The following WDPCP variants were observed in gnomAD, a reference collection of about 807,000 sequenced individuals.
WDPCP encodes the protein WD repeat containing planar cell polarity effector, also known as WD repeat-containing and planar cell polarity effector protein fritz homolog.
In WDPCP, 71 loss-of-function variants were observed where a neutral mutation model predicts 93.1. That is an observed-to-expected ratio of 0.76 (90% CI 0.63 to 0.93). The LOEUF is 0.93. WDPCP is among the 40% of genes least tolerant of loss of function. The pLI is 0.00. For synonymous variants in WDPCP, 315 were observed against 315.0 expected (o/e 1.00, Z 0.00); for missense variants, 844 against 887.4 (o/e 0.95, Z 0.62).
intron 10 of WDPCP, among the ~76,000 whole-genome samples, chr2:63,402,176 C>T (rs377428826): frequency 7.2e-5 from 11 of 152,160 alleles, no homozygotes; most frequent in South Asian, 2.1e-4. Context: ...GGGACATGGA[C>T]GAAGCTGGAA....
chr2:63,825,297 C>T (rs1465946461), intron 1 of WDPCP, among the ~76,000 whole-genome samples: 1 of 152,030 alleles, frequency 6.6e-6, no homozygotes, highest in Non-Finnish European at 1.5e-5. Context: ...TTAAAAGGCT[C>T]TTATCTTCTG....
chr2:63,170,981 T>C (rs1673342570), intron 15 of WDPCP, among the ~76,000 whole-genome samples: 1 of 151,178 alleles, frequency 6.6e-6, no homozygotes, highest in African/African-American at 2.4e-5. Context: ...GAGTTTTTTT[T>C]CTTCCTCAAA....
intron 14 of WDPCP, among the ~76,000 whole-genome samples, chr2:63,247,701 A>C (rs545506642): frequency 6.6e-6 from 1 of 151,656 alleles, no homozygotes; most frequent in South Asian, 2.1e-4. Context: ...ACCACCAAAC[A>C]AACCCCAAAT....
chr2:63,439,723 T>C (rs1697374498), intron 7 of WDPCP, 34 bp downstream of exon 7: 1 of 1,572,920 alleles, frequency 6.4e-7, no homozygotes, highest in African/African-American at 1.3e-5. Context: ...CCACTGTTAA[T>C]GTAGGCAATT....
chr2:63,397,864 A>G (rs925083963), intron 10 of WDPCP, among the ~76,000 whole-genome samples: 2 of 152,172 alleles, frequency 1.3e-5, no homozygotes, highest in African/African-American at 2.4e-5. Context: ...GAGTTTGGCT[A>G]TGAAAGGAAG....
At chr2:63,738,429 T>C (rs1474613110) in intron 2 of WDPCP, among the ~76,000 whole-genome samples, 1 of 151,800 alleles carries the variant, frequency 6.6e-6, no homozygotes, top group Non-Finnish European at 1.5e-5. Context: ...CCCCACTCCT[T>C]CTCCTGTGCA....
intron 2 of WDPCP, among the ~76,000 whole-genome samples, chr2:63,798,262 A>G (rs1670643818): frequency 6.6e-6 from 1 of 152,238 alleles, no homozygotes; most frequent in African/African-American, 2.4e-5. Context: ...TTAAGTACAC[A>G]GAAAAACGCA....
At chr2:63,411,232 C>T (rs1376034827) in intron 9 of WDPCP, among the ~76,000 whole-genome samples, 2 of 152,062 alleles carry the variant, frequency 1.3e-5, no homozygotes, top group Non-Finnish European at 2.9e-5. Flanking sequence ...CAAAAGGAAC[C>T]TTCAAAACCT....
intron 1 of WDPCP, among the ~76,000 whole-genome samples, chr2:63,823,244 A>C (rs936792051): frequency 6.6e-6 from 1 of 151,714 alleles, no homozygotes; most frequent in African/African-American, 2.4e-5. Flanking sequence ...GCAGTAGCTC[A>C]CGTCTGTAAT....
chr2:63,300,444 C>T (rs1685240419), intron 13 of WDPCP, among the ~76,000 whole-genome samples: 1 of 152,086 alleles, frequency 6.6e-6, no homozygotes, highest in South Asian at 2.1e-4. Flanking sequence ...TTAGTTGTTG[C>T]ATGGGACTGA....
At chr2:63,534,901 G>A (rs1345560796) in intron 1 of WDPCP, among the ~76,000 whole-genome samples, 2 of 152,144 alleles carry the variant, frequency 1.3e-5, no homozygotes, top group Admixed American at 6.5e-5. Flanking sequence ...TATTCAATTA[G>A]GAAAAGAGGA....
At chr2:63,763,229 C>G (rs970548076) in intron 2 of WDPCP, among the ~76,000 whole-genome samples, 6 of 152,118 alleles carry the variant, frequency 3.9e-5, no homozygotes. Flanking sequence ...ATGGTCCGGG[C>G]ACGGTGGCTC....
chr2:63,693,740 T>C (rs997977063), intron 2 of WDPCP, among the ~76,000 whole-genome samples: 29 of 152,226 alleles, frequency 1.9e-4, no homozygotes, highest in African/African-American at 6.8e-4. Flanking sequence ...AAGTAATTGA[T>C]AAGTTGTTGC....
chr2:63,395,438 C>T (rs984158414), intron 10 of WDPCP, among the ~76,000 whole-genome samples: 1 of 152,144 alleles, frequency 6.6e-6, no homozygotes, highest in Non-Finnish European at 1.5e-5. Flanking sequence ...TGTATGTCCA[C>T]GTGTACCCAC....
chr2:63,251,298 C>T (rs1680692025), intron 14 of WDPCP, among the ~76,000 whole-genome samples: 1 of 151,886 alleles, frequency 6.6e-6, no homozygotes, highest in Non-Finnish European at 1.5e-5. Context: ...TATCAGTGAT[C>T]CCACAGATAT....
chr2:63,839,623 G>C, the WDPCP span, among the ~76,000 whole-genome samples: 2 of 152,212 alleles, frequency 1.3e-5, no homozygotes, highest in African/African-American at 4.8e-5. Context: ...ATCTTTTGCA[G>C]GCTAAGTAAC....
intron 12 of WDPCP, among the ~76,000 whole-genome samples, chr2:63,375,499 T>G (rs1390379171): frequency 6.6e-6 from 1 of 151,936 alleles, no homozygotes; most frequent in East Asian, 1.9e-4. Context: ...TAATTTACAT[T>G]TCTAGGGAGC....
At chr2:63,538,310 T>A (rs1303384358) in intron 1 of WDPCP, among the ~76,000 whole-genome samples, 1 of 152,056 alleles carries the variant, frequency 6.6e-6, no homozygotes, top group Non-Finnish European at 1.5e-5. Flanking sequence ...GATATTAAAA[T>A]AAAAATTGAC....
rs1575757684 is a variant in WDPCP, at chr2:63,721,886, C to T, written n.309-71048G>A. On this transcript the variant is annotated intron_variant and non_coding_transcript_variant, in intron 2 of 4. Transcript: ENST00000467687. Reference sequence around the variant, plus strand: ...TGCCGAGTGCCTGCGATTGCAGGCTCGCGCCGCCACGCCTGACTGGTTTTG... The same window carrying T: ...TGCCGAGTGCCTGCGATTGCAGGCTTGCGCCGCCACGCCTGACTGGTTTTG... Among the ~76,000 whole-genome samples, 3 of 152,336 alleles carry T rather than the reference C, an allele frequency of 2.0e-5. 1 individual carries two copies. The South Asian group carries it at 6.2e-4, about 32-fold the overall frequency.
Sources: gnomAD v4.1 joint callset for allele counts (sites outside exome capture counted in the v4.1 genomes callset) on GRCh38, gnomAD v4.1.1 for gene constraint, MANE v1.5 for transcripts, NCBI Gene and HGNC (gene_info 2026-07-23, HGNC 2026-07-21) for gene names.